Variants in FAM117A observed in about 807,000 individuals in gnomAD.
FAM117A encodes family with sequence similarity 117 member A, also known as protein FAM117A.
A neutral mutation model predicts 44.1 loss-of-function variants in FAM117A; 21 were observed. The observed-to-expected ratio is 0.48, with a 90% CI of 0.34 to 0.69. The LOEUF is 0.69. Among genes scored for constraint, FAM117A ranks in the 30% least tolerant of loss-of-function variants. The pLI, the probability that FAM117A is intolerant of heterozygous loss-of-function variation, is 0.01. For synonymous variants in FAM117A, 220 were observed against 238.3 expected, an observed-to-expected ratio of 0.92 and a Z score of 0.71; for missense variants, 498 against 589.9, an observed-to-expected ratio of 0.84 and a Z score of 1.61.
intron 1 of FAM117A, among the ~76,000 whole-genome samples, chr17:49,759,558 T>G (rs1376051152): frequency 6.6e-6 from 1 of 152,214 alleles, no homozygotes; most frequent in Non-Finnish European, 1.5e-5. Context: ...AGCAAGATGA[T>G]GCCTTGGCAT....
intron 1 of FAM117A, among the ~76,000 whole-genome samples, chr17:49,781,051 G>A (rs1393493764): frequency 6.6e-6 from 1 of 151,910 alleles, no homozygotes; most frequent in Non-Finnish European, 1.5e-5. Context: ...TGCTGGTCTC[G>A]AACTCTACCC....
Position 49,756,967 on chromosome 17 carries a change from C to T in FAM117A, c.196+6925G>A, listed in dbSNP as rs931858532. Among the ~76,000 whole-genome samples, 3 of 151,342 alleles carry T rather than the reference C, an allele frequency of 2.0e-5. 1 individual carries two copies. The highest frequency in any genetic ancestry group is 2.0e-4 in the Admixed American group (3 of 15,192). On this transcript the variant is annotated intron_variant, in intron 1 of 7. Coordinates refer to ENST00000240364, the MANE Select transcript of FAM117A (RefSeq NM_030802.4). The stretch of plus-strand genomic sequence containing the variant: ...AGAAAGAGGAGGCACCCCAAACCTA[C>T]AGCTTTGTTCTGTCAAATACCATCC...
At position 49,722,557 on chromosome 17, in the gene FAM117A, G is replaced by A. The variant is rs769401065; in HGVS notation, c.404C>T (p.Ala135Val). 2 of 1,613,794 alleles carry A rather than the reference G, an allele frequency of 1.2e-6. No homozygotes were observed. Among genetic ancestry groups the A allele is most frequent in the East Asian group, 2.2e-5 (1 of 44,886 alleles). ...TGAGCGCTTGTGTGCACAGGAACTG[G>A]CACGCTCACCTTCTAGCTCTTGCCA... ...LSWQELEGER[A>V]SSCAHKRSAS... Residue 135 changes from alanine (A) to valine (V), a missense_variant, in exon 3 of 8, where the codon GCC becomes GTC. Physicochemically the swap from Ala to Val is moderately conservative, Grantham distance 64. This residue lies in a region of FAM117A where 270 missense variants were observed against 277.4 expected (regional missense o/e 0.97). Coordinates refer to ENST00000240364, the MANE Select transcript of FAM117A (RefSeq NM_030802.4).
At chr17:49,731,827 C>A (rs2073586536) in intron 2 of FAM117A, among the ~76,000 whole-genome samples, 1 of 151,914 alleles carries the variant, frequency 6.6e-6, no homozygotes. Context: ...GCTCTGTCAC[C>A]CAGGATGGAA....
intron 2 of FAM117A, among the ~76,000 whole-genome samples, chr17:49,723,103 T>G (rs989528936): frequency 2.6e-5 from 4 of 152,172 alleles, no homozygotes; most frequent in African/African-American, 7.2e-5. Flanking sequence ...ATAGGTCCCC[T>G]GACCAAAGCA....
At chr17:49,771,285 A>G (rs1243485545) in intron 1 of FAM117A, among the ~76,000 whole-genome samples, 1 of 152,212 alleles carries the variant, frequency 6.6e-6, no homozygotes, top group Non-Finnish European at 1.5e-5. Flanking sequence ...TACCTCAATC[A>G]AGCTGTTTTG....
At chr17:49,729,206 A>C (rs1233361149) in intron 2 of FAM117A, among the ~76,000 whole-genome samples, 1 of 152,158 alleles carries the variant, frequency 6.6e-6, no homozygotes, top group Non-Finnish European at 1.5e-5. Flanking sequence ...TGCAATGGGC[A>C]GGGCCCTGGT....
upstream of FAM117A, among the ~76,000 whole-genome samples, chr17:49,767,050 G>A (rs2073747692): frequency 6.6e-6 from 1 of 152,212 alleles, no homozygotes; most frequent in South Asian, 2.1e-4. Context: ...CACTAAAGTT[G>A]ATCCTAGCTG....
chr17:49,759,032 C>G (rs972201957), intron 1 of FAM117A, among the ~76,000 whole-genome samples: 3 of 152,192 alleles, frequency 2.0e-5, no homozygotes, highest in African/African-American at 7.2e-5. Flanking sequence ...AAATTAGCAC[C>G]ATCACTATGA....
At chr17:49,751,663 G>A (rs1474819892) in intron 1 of FAM117A, among the ~76,000 whole-genome samples, 2 of 152,054 alleles carry the variant, frequency 1.3e-5, no homozygotes, top group Non-Finnish European at 2.9e-5. Flanking sequence ...AGACTTCTGG[G>A]CCACGCACAG....
intron 1 of FAM117A, among the ~76,000 whole-genome samples, chr17:49,771,898 G>A (rs2073761965): frequency 6.6e-6 from 1 of 152,074 alleles, no homozygotes; most frequent in Non-Finnish European, 1.5e-5. Flanking sequence ...ATTGTCCCTG[G>A]GGGCAAATAA....
intron 2 of FAM117A, among the ~76,000 whole-genome samples, chr17:49,725,295 G>A (rs532218732): frequency 5.3e-5 from 8 of 152,174 alleles, no homozygotes; most frequent in East Asian, 1.9e-4. Context: ...TACAGCATTC[G>A]TGCAATCAAC....
At chr17:49,720,891 T>C (rs2073531162) in intron 3 of FAM117A, among the ~76,000 whole-genome samples, 1 of 152,132 alleles carries the variant, frequency 6.6e-6, no homozygotes, top group South Asian at 2.1e-4. Flanking sequence ...ATTTTTGTAT[T>C]TTTAATAGAG....
chr17:49,756,639 G>A lies in FAM117A; in HGVS notation c.196+7253C>T, dbSNP rs1373240851. Among the ~76,000 whole-genome samples, 4 of 151,580 alleles carry A rather than the reference G, an allele frequency of 2.6e-5. No individual in the cohort carries two copies. In the East Asian group the frequency reaches 7.8e-4, roughly 29 times the overall value. On this transcript the variant is annotated intron_variant, in intron 1 of 7. Coordinates refer to ENST00000240364, the MANE Select transcript of FAM117A (RefSeq NM_030802.4). ...AAAAAAAAAAAAGAGACAAAGGCCAGGCGTGGTGGTTCACACCTGTAATCG... is the reference window on the plus strand; with the variant it reads ...AAAAAAAAAAAAGAGACAAAGGCCAAGCGTGGTGGTTCACACCTGTAATCG...
chr17:49,715,178 G>A (rs2073496385), intron 7 of FAM117A, among the ~76,000 whole-genome samples: 2 of 152,130 alleles, frequency 1.3e-5, no homozygotes, highest in South Asian at 4.1e-4. Context: ...GCTTCTCAGA[G>A]GACCTAGGAG....
intron 2 of FAM117A, among the ~76,000 whole-genome samples, chr17:49,726,978 CAAAAAAAA>C (rs1208083401): frequency 1.4e-5 from 2 of 139,152 alleles, no homozygotes; most frequent in Non-Finnish European, 3.1e-5. Flanking sequence ...GACCCTGTCT[CAAAAAAAA>C]AAGGAAAAAA....
intron 1 of FAM117A, among the ~76,000 whole-genome samples, chr17:49,782,962 A>G (rs1054485068): frequency 1.5e-4 from 23 of 152,220 alleles, no homozygotes; most frequent in African/African-American, 5.5e-4. Flanking sequence ...GAATGTATAA[A>G]TGAAAATGCC....
At chr17:49,759,703 A>T (rs1461512257) in intron 1 of FAM117A, among the ~76,000 whole-genome samples, 3 of 152,196 alleles carry the variant, frequency 2.0e-5, no homozygotes. Context: ...CTATCTAAAC[A>T]CCTATCCCCC....
intron 1 of FAM117A, among the ~76,000 whole-genome samples, chr17:49,741,335 A>G (rs2073633486): frequency 6.6e-6 from 1 of 152,176 alleles, no homozygotes; most frequent in Non-Finnish European, 1.5e-5. Context: ...ATAACTTATA[A>G]CAGAAACTAT....
Sources: gnomAD v4.1 joint callset for allele counts (sites outside exome capture counted in the v4.1 genomes callset) on GRCh38, gnomAD v4.1.1 for gene constraint, gnomAD v4.1.1 regional missense constraint, MANE v1.5 for transcripts, NCBI Gene and HGNC (gene_info 2026-07-23, HGNC 2026-07-21) for gene names.